Variants in NKX2-6 observed in about 807,000 individuals in gnomAD.
The protein encoded by NKX2-6 is homeobox protein Nkx-2.6.
Under a neutral mutation model 8.6 loss-of-function variants are expected in NKX2-6, and 8 were observed. The observed-to-expected ratio is 0.93, with a 90% CI of 0.54 to 1.67. The LOEUF (loss-of-function observed/expected upper bound fraction) is 1.67. Among genes scored for constraint, NKX2-6 ranks in the 40% most tolerant of loss-of-function variants. NKX2-6 has a pLI of 0.00. For missense variants in NKX2-6, 475 were observed against 423.1 expected (o/e 1.12, Z -1.08); for synonymous variants, 210 against 199.3 (o/e 1.05, Z -0.45).
Position 23,706,701 on chromosome 8 carries a change from G to C in NKX2-6, c.-103C>G. ...GCCCCGCAGACAGACCCAAGCTCTG[G>C]GACAGACGCCCAGCGTCCCAGACAG... On this transcript the variant is annotated 5_prime_UTR_variant, in exon 1 of 2. Transcript: ENST00000325017. 7.8e-7 allele frequency: 1 copy of C among 1,287,190 alleles called. No homozygotes were observed. The highest frequency in any genetic ancestry group is 1.0e-6 in the Non-Finnish European group (1 of 957,236). The allele number at this position is 1,287,190 out of a possible 1,614,324, so 79.7% of individuals were successfully genotyped here.
intron 1 of NKX2-6, among the ~76,000 whole-genome samples, chr8:23,705,603 G>T (rs1212089097): frequency 6.6e-6 from 1 of 152,218 alleles, no homozygotes; most frequent in Non-Finnish European, 1.5e-5. Flanking sequence ...ACACAGGTGC[G>T]TGGGCCTCGC....
At chr8:23,705,724 G>T (rs931799069) in intron 1 of NKX2-6, among the ~76,000 whole-genome samples, 1 of 152,242 alleles carries the variant, frequency 6.6e-6, no homozygotes, top group African/African-American at 2.4e-5. Context: ...CTGACGCGGA[G>T]AATCCTGCGC....
Position 23,706,705 on chromosome 8 carries a change from A to G in NKX2-6, c.-107T>C. The G allele has an allele frequency of 7.9e-7, 1 of 1,262,312 alleles. No homozygotes were observed. The highest frequency in any genetic ancestry group is 2.8e-4 in the Middle Eastern group (1 of 3,578). The allele number at this position is 1,262,312 out of a possible 1,614,324, so 78.2% of individuals were successfully genotyped here. ...CGCAGACAGACCCAAGCTCTGGGAC[A>G]GACGCCCAGCGTCCCAGACAGCGCC... On this transcript the variant is annotated 5_prime_UTR_variant, in exon 1 of 2. Coordinates refer to ENST00000325017, the MANE Select transcript of NKX2-6 (RefSeq NM_001136271.3).
chr8:23,702,655 G>A lies in NKX2-6; in HGVS notation c.702C>T (p.Tyr234=), dbSNP rs1289544106. The A allele has an allele frequency of 1.3e-6, 2 of 1,550,518 alleles. No homozygotes were observed. The highest frequency in any genetic ancestry group is 1.2e-5 in the South Asian group (1 of 83,978). The change falls in exon 2 of 2, where the codon TAC becomes TAT. Residue 234 remains tyrosine (Y), a synonymous_variant. Transcript: ENST00000325017. ...GPGAPAFPSP[Y]SAAVSPYSCY... ...AAGAGTAGGGCGACACTGCTGCACT[G>A]TAGGGGCTGGGGAAGGCAGGTGCGC...
Position 23,706,346 on chromosome 8 carries a change from C to A in NKX2-6, c.253G>T (p.Ala85Ser). 2.6e-6 allele frequency: 4 copies of A among 1,550,302 alleles called. No homozygotes were observed. Among genetic ancestry groups the A allele is most frequent in the Non-Finnish European group, 3.5e-6 (4 of 1,145,978 alleles). The change falls in exon 1 of 2, where the codon GCG becomes TCG. Residue 85 changes from alanine to serine, a missense_variant. Ala to Ser is a moderately conservative substitution (Grantham distance 99, BLOSUM62 1). Coordinates refer to ENST00000325017, the MANE Select transcript of NKX2-6 (RefSeq NM_001136271.3). ...GPCEAVLEMD[A>S]ERMGEPQPGL... ...TCACGTGGCTCCCCCATCCGTTCCG[C>A]GTCCATCTCCAAGACTGCCTCACAG...
Position 23,703,080 on chromosome 8 carries a change from G to C in NKX2-6, c.277C>G (p.Pro93Ala). The C allele has an allele frequency of 6.5e-7, 1 of 1,539,440 alleles. No individual in the cohort carries two copies. The highest frequency in any genetic ancestry group is 8.7e-7 in the Non-Finnish European group (1 of 1,146,090). ...MDAERMGEPQ[P>A]GLNAASPLGG... ...AGGGGCGAGGCCGCGTTCAGGCCGGGCTCTAAAAGCACAGGAAGGGACACA... is the reference window on the plus strand; with the variant it reads ...AGGGGCGAGGCCGCGTTCAGGCCGGCCTCTAAAAGCACAGGAAGGGACACA... Residue 93 changes from proline (P) to alanine (A), a missense_variant and splice_region_variant, in exon 2 of 2, where the codon CCC becomes GCC. Physicochemically the swap from Pro to Ala is conservative, Grantham distance 27. Coordinates refer to ENST00000325017, the MANE Select transcript of NKX2-6 (RefSeq NM_001136271.3).
intron 1 of NKX2-6, among the ~76,000 whole-genome samples, chr8:23,705,628 G>C (rs570178024): frequency 1.4e-4 from 21 of 152,204 alleles, no homozygotes; most frequent in Non-Finnish European, 3.1e-4. Flanking sequence ...CGGCGCGCAC[G>C]GTTGCGCCTT....
chr8:23,704,708 T>A (rs1438785112), intron 1 of NKX2-6, among the ~76,000 whole-genome samples: 2 of 151,962 alleles, frequency 1.3e-5, no homozygotes, highest in African/African-American at 2.4e-5. Flanking sequence ...CATCTCCACT[T>A]GCAAAGAGGA....
At position 23,706,621 on chromosome 8, in the gene NKX2-6, C is replaced by A; in HGVS notation, c.-23G>T. On this transcript the variant is annotated 5_prime_UTR_variant, in exon 1 of 2. Transcript: ENST00000325017. ...CATCCCGAAGGCGGATGGGGCGGGG[C>A]CGAGGAGGTCCGGGTGAGGAGCGGC... The A allele has an allele frequency of 1.3e-6, 2 of 1,524,544 alleles. No individual in the cohort carries two copies. The highest frequency in any genetic ancestry group is 1.8e-6 in the Non-Finnish European group (2 of 1,140,038). 94.4% of individuals were successfully genotyped at this position (1,524,544 alleles called of 1,614,324 possible). A position where few individuals can be genotyped will look rare whatever the true frequency, so the allele number is the denominator to read the frequency against.
intron 1 of NKX2-6, among the ~76,000 whole-genome samples, chr8:23,703,505 GCTAACACGATGAAACCCCGT>G (rs1224287110): frequency 6.6e-6 from 1 of 152,016 alleles, no homozygotes; most frequent in African/African-American, 2.4e-5. Context: ...GACCATCCTG[GCTAACACGATGAAACCCCGT>G]CTCTACTAAA....
chr8:23,703,230 G>A (rs1801038072), intron 1 of NKX2-6, 148 bp from the exon 2 acceptor site: 1 of 900,918 alleles, frequency 1.1e-6, no homozygotes, highest in South Asian at 1.8e-5. Context: ...CCTGTCCCAG[G>A]ACGAACCCTG....
At position 23,703,710 on chromosome 8, in the gene NKX2-6, C is replaced by CA. The variant is rs1554510918; in HGVS notation, c.275-629dup. Among the ~76,000 whole-genome samples, 38 of 38,978 alleles carry CA rather than the reference C, an allele frequency of 9.7e-4. No homozygotes were observed. In the East Asian group the frequency reaches 0.021, roughly 22 times the overall value. The allele number at this position is 38,978 out of a possible 152,430, so 25.6% of individuals were successfully genotyped here. On this transcript the variant is annotated intron_variant, in intron 1 of 1. Transcript: ENST00000325017. Reference sequence around the variant, plus strand: ...GACTCCGTCTCAAAAAACAAACAAACAAAAAACAAACAAACAAAAAAAAAA... The same window carrying CA: ...GACTCCGTCTCAAAAAACAAACAAACAAAAAAACAAACAAACAAAAAAAAAA...
chr8:23,703,743 T>C (rs1411367048), intron 1 of NKX2-6, among the ~76,000 whole-genome samples: 1 of 151,374 alleles, frequency 6.6e-6, no homozygotes, highest in Non-Finnish European at 1.5e-5. Flanking sequence ...AAACTGTGTG[T>C]GCATGGTAAA....
At chr8:23,703,600 G>C (rs1379670166) in intron 1 of NKX2-6, among the ~76,000 whole-genome samples, 1 of 152,194 alleles carries the variant, frequency 6.6e-6, no homozygotes. Flanking sequence ...GGAGGCTGAG[G>C]CAGGAGAATG....
intron 1 of NKX2-6, among the ~76,000 whole-genome samples, 183 bp from the exon 2 acceptor site, chr8:23,703,265 T>TC (rs2117595489): frequency 6.6e-6 from 1 of 152,356 alleles, no homozygotes; most frequent in African/African-American, 2.4e-5. Flanking sequence ...CCATGTTTTT[T>TC]CCCTCCAAGC....
rs756783244 is a variant in NKX2-6 at position 23,702,691 on chromosome 8, G to T, written c.666C>A (p.Gly222=). The T allele has an allele frequency of 6.4e-6, 10 of 1,551,094 alleles. No individual in the cohort carries two copies. In the South Asian group the frequency reaches 9.5e-5, roughly 15 times the overall value. The stretch of plus-strand genomic sequence containing the variant: ...GGAAGGCAGGTGCGCCGGGCCCGGG[G>T]CCCAGGCAGGGCTTGCCATCGCGCA... The part of the protein sequence containing the change: ...VLVRDGKPCL[G]PGPGAPAFPS... The change falls in exon 2 of 2, where the codon GGC becomes GGA. Residue 222 remains glycine (G), a synonymous_variant. Coordinates refer to ENST00000325017, the MANE Select transcript of NKX2-6 (RefSeq NM_001136271.3).
intron 1 of NKX2-6, 32 bp downstream of exon 1, chr8:23,706,293 C>G: frequency 6.6e-7 from 1 of 1,510,434 alleles, no homozygotes. Flanking sequence ...CACATTCCCC[C>G]CGTAGGAGGC....
intron 1 of NKX2-6, among the ~76,000 whole-genome samples, chr8:23,705,608 C>T (rs2117599382): frequency 6.6e-6 from 1 of 152,372 alleles, no homozygotes; most frequent in South Asian, 2.1e-4. Flanking sequence ...GGTGCGTGGG[C>T]CTCGCAGCCC....
At chr8:23,705,813 G>A (rs1005935064) in intron 1 of NKX2-6, among the ~76,000 whole-genome samples, 1 of 152,232 alleles carries the variant, frequency 6.6e-6, no homozygotes, top group African/African-American at 2.4e-5. Flanking sequence ...AATCCATGAG[G>A]AGGAATGGGG....
Sources: gnomAD v4.1 joint callset for allele counts (sites outside exome capture counted in the v4.1 genomes callset) on GRCh38, gnomAD v4.1.1 for gene constraint, MANE v1.5 for transcripts, NCBI Gene and HGNC (gene_info 2026-07-23, HGNC 2026-07-21) for gene names.